The following RIMS1 variants were observed in gnomAD, a reference collection of about 807,000 sequenced individuals.
The protein encoded by RIMS1 is regulating synaptic membrane exocytosis protein 1.
Under a neutral mutation model 214.1 loss-of-function variants are expected in RIMS1, and 83 were observed. That is an observed-to-expected ratio of 0.39 (90% CI 0.32 to 0.47). The LOEUF (loss-of-function observed/expected upper bound fraction) is 0.47, where lower values mean the gene tolerates loss of function less well. Among genes scored for constraint, RIMS1 ranks in the 20% least tolerant of loss-of-function variants. The probability of loss-of-function intolerance (pLI) is 0.99; values close to 1 mark genes in which losing one functional copy is unlikely to be tolerated. For missense variants in RIMS1, 2,050 were observed against 2,161.8 expected (o/e 0.95, Z 1.03); for synonymous variants, 793 against 786.8 (o/e 1.01, Z -0.13).
At chr6:71,993,043 A>G (rs1359857893) in intron 2 of RIMS1, among the ~76,000 whole-genome samples, 5 of 152,308 alleles carry the variant, frequency 3.3e-5, no homozygotes, top group South Asian at 4.1e-4. Flanking sequence ...GTGCACTTCA[A>G]TCAGGTTCTT....
At chr6:71,927,695 C>A (rs919811010) in intron 1 of RIMS1, among the ~76,000 whole-genome samples, 2 of 151,938 alleles carry the variant, frequency 1.3e-5, no homozygotes, top group Admixed American at 1.3e-4. Flanking sequence ...GGCCACATAC[C>A]AACTAATGGT....
chr6:72,231,193 A>G (rs951768030), intron 6 of RIMS1, among the ~76,000 whole-genome samples: 2 of 151,746 alleles, frequency 1.3e-5, no homozygotes, highest in Admixed American at 6.6e-5. Context: ...AGACAAATTA[A>G]GAGTGCTTCA....
chr6:72,307,513 G>A, intron 27 of RIMS1, 143 bp downstream of exon 27: 1 of 507,568 alleles, frequency 2.0e-6, no homozygotes, highest in Non-Finnish European at 3.4e-6. Flanking sequence ...AATCCCAGCA[G>A]TTTGGGAGGC....
intron 2 of RIMS1, among the ~76,000 whole-genome samples, chr6:72,048,715 C>G (rs1823769777): frequency 6.6e-6 from 1 of 152,114 alleles, no homozygotes; most frequent in South Asian, 2.1e-4. Context: ...AAGTTATTTT[C>G]TTACCTTTAA....
At chr6:72,350,080 T>C (rs2097393084) in intron 29 of RIMS1, among the ~76,000 whole-genome samples, 1 of 152,126 alleles carries the variant, frequency 6.6e-6, no homozygotes, top group South Asian at 2.1e-4. Flanking sequence ...TAATTCTGTC[T>C]TCTCATGGAT....
At chr6:72,022,429 G>C (rs572959371) in intron 2 of RIMS1, among the ~76,000 whole-genome samples, 15 of 152,228 alleles carry the variant, frequency 9.9e-5, no homozygotes, top group African/African-American at 2.6e-4. Context: ...CTTATAAGGA[G>C]AGTAGGTGAT....
intron 26 of RIMS1, among the ~76,000 whole-genome samples, chr6:72,294,430 A>C (rs557734827): frequency 1.2e-4 from 18 of 151,882 alleles, no homozygotes; most frequent in Admixed American, 1.1e-3. Flanking sequence ...ATTTTTTAAA[A>C]ATGTTTAACA....
chr6:72,045,952 A>G (rs143665364), intron 2 of RIMS1, among the ~76,000 whole-genome samples: 1 of 151,860 alleles, frequency 6.6e-6, no homozygotes, highest in African/African-American at 2.4e-5. Flanking sequence ...TTTGAAATAC[A>G]TTTATTTTTA....
intron 28 of RIMS1, among the ~76,000 whole-genome samples, chr6:72,318,140 C>T (rs1182749033): frequency 6.6e-6 from 1 of 152,066 alleles, no homozygotes; most frequent in Non-Finnish European, 1.5e-5. Flanking sequence ...CAGCAAATAG[C>T]TAGGTTTAAT....
chr6:72,046,021 G>A (rs991198493), intron 2 of RIMS1, among the ~76,000 whole-genome samples: 6 of 151,852 alleles, frequency 4.0e-5, no homozygotes, highest in African/African-American at 1.2e-4. Context: ...TAATGTCAAA[G>A]ACATAATTTT....
At chr6:72,241,211 A>G (rs1189599834) in intron 9 of RIMS1, among the ~76,000 whole-genome samples, 3 of 152,228 alleles carry the variant, frequency 2.0e-5, no homozygotes, top group African/African-American at 4.8e-5. Flanking sequence ...TTTTATGCTT[A>G]TACTTGGCTA....
intron 4 of RIMS1, among the ~76,000 whole-genome samples, chr6:72,109,914 A>C (rs1444692183): frequency 2.0e-5 from 3 of 152,106 alleles, no homozygotes; most frequent in African/African-American, 4.8e-5. Context: ...TCAGCTTTCT[A>C]CATATGGCTA....
At chr6:72,059,922 A>G (rs1031814326) in intron 2 of RIMS1, among the ~76,000 whole-genome samples, 5 of 152,032 alleles carry the variant, frequency 3.3e-5, no homozygotes, top group Non-Finnish European at 5.9e-5. Context: ...TAGGTCCTCA[A>G]TGAAGCGGCT....
chr6:71,982,578 C>T (rs1051825947), intron 2 of RIMS1, among the ~76,000 whole-genome samples: 3 of 152,232 alleles, frequency 2.0e-5, no homozygotes, highest in Middle Eastern at 3.4e-3. Flanking sequence ...CTCACAGTCA[C>T]ACAGATGGGA....
intron 6 of RIMS1, among the ~76,000 whole-genome samples, chr6:72,212,047 C>G (rs1252551031): frequency 6.6e-6 from 1 of 151,962 alleles, no homozygotes; most frequent in Admixed American, 6.6e-5. Context: ...TAGGCAAATG[C>G]AAGGTGATTG....
Position 72,329,535 on chromosome 6 carries a change from GT to G in RIMS1, c.4131-4054del, listed in dbSNP as rs574690733. ...GATAGTAATCATATGCCCTTTATTA[GT>G]TTTTTTTTTTCAAATTAACATCTAA... On this transcript the variant is annotated intron_variant, in intron 28 of 33. Coordinates refer to ENST00000521978, the MANE Select transcript of RIMS1 (RefSeq NM_014989.7). 3.7e-3 allele frequency among the ~76,000 whole-genome samples: 537 copies of G among 145,886 alleles called. 3 individuals carry two copies. Among genetic ancestry groups the G allele is most frequent in the Middle Eastern group, 3.6e-3 (1 of 274 alleles).
chr6:72,373,368 G>A (rs542344982), intron 29 of RIMS1, among the ~76,000 whole-genome samples: 1 of 152,260 alleles, frequency 6.6e-6, no homozygotes, highest in East Asian at 1.9e-4. Flanking sequence ...TTCCTTCTCA[G>A]GAAGAGTTAT....
At chr6:72,339,390 G>A (rs1324753288) in intron 29 of RIMS1, among the ~76,000 whole-genome samples, 11 of 151,606 alleles carry the variant, frequency 7.3e-5, no homozygotes, top group African/African-American at 1.5e-4. Flanking sequence ...CCATTAACTC[G>A]TCATTTAGCA....
intron 19 of RIMS1, chr6:72,261,266 G>A: frequency 1.0e-6 from 1 of 999,766 alleles, no homozygotes; most frequent in Non-Finnish European, 1.2e-6. Flanking sequence ...TTTAATGGCT[G>A]AGCTTCAGCT....
Sources: gnomAD v4.1 joint callset for allele counts (sites outside exome capture counted in the v4.1 genomes callset) on GRCh38, gnomAD v4.1.1 for gene constraint, MANE v1.5 for transcripts, NCBI Gene and HGNC (gene_info 2026-07-23, HGNC 2026-07-21) for gene names.